The following POR variants were observed in gnomAD, a reference collection of about 807,000 sequenced individuals.
The protein encoded by POR is cytochrome p450 oxidoreductase, also known as NADPH--cytochrome P450 reductase.
In POR, 56 loss-of-function variants were observed where a neutral mutation model predicts 84.0. That is an observed-to-expected ratio of 0.67 (90% confidence interval 0.54 to 0.83). POR has a LOEUF of 0.83. Among genes scored for constraint, POR ranks in the 40% least tolerant of loss-of-function variants. The pLI is 0.00. For synonymous variants in POR, 414 were observed against 400.5 expected (o/e 1.03, Z -0.40); for missense variants, 938 against 944.3 (o/e 0.99, Z 0.09).
Position 75,972,466 on chromosome 7 carries a change from G to C in POR, c.237+5G>C, listed in dbSNP as rs1554556326. 10 of 1,602,450 alleles carry C rather than the reference G, an allele frequency of 6.2e-6. No individual in the cohort carries two copies. Among genetic ancestry groups the C allele is most frequent in the Non-Finnish European group, 7.7e-6 (9 of 1,174,208 alleles). On this transcript the variant is annotated splice_donor_5th_base_variant and intron_variant, in intron 3 of 15. Coordinates refer to ENST00000461988, the MANE Select transcript of POR (RefSeq NM_000941.3). The stretch of plus-strand genomic sequence containing the variant: ...GTGGAAAAGATGAAGAAAACGGTGA[G>C]TTTCCTGCATGTCTTTACTCTTCTC...
chr7:75,981,564 T>C lies in POR; in HGVS notation c.689T>C (p.Val230Ala). 1 of 1,613,076 alleles carries C rather than the reference T, an allele frequency of 6.2e-7. No homozygotes were observed. The highest frequency in any genetic ancestry group is 8.5e-7 in the Non-Finnish European group (1 of 1,179,706). Residue 230 changes from valine (V) to alanine (A), a missense_variant, in exon 7 of 16, where the codon GTG (valine) becomes GCG (alanine). Transcript: ENST00000461988. The stretch of plus-strand genomic sequence containing the variant: ...TGGCGAGAGCAGTTCTGGCCGGCCG[T>C]GTGTGAACACTTTGGGGTGGAAGCC...
At chr7:75,983,463 A>C in intron 8 of POR, 57 bp from the exon 9 acceptor site, 1 of 1,258,784 alleles carries the variant, frequency 7.9e-7, no homozygotes, top group Admixed American at 1.7e-5. Flanking sequence ...GTCCTTGGAG[A>C]CGGAGACTCA....
intron 1 of POR, chr7:75,947,378 C>T (rs28517623): frequency 0.034 from 5,176 of 152,782 alleles, 260 homozygotes; most frequent in African/African-American, 0.11. Flanking sequence ...CGGGTTCAAG[C>T]GATTCTCCTG....
chr7:75,928,247 GT>G (rs1448306117), intron 1 of POR, among the ~76,000 whole-genome samples: 1 of 152,136 alleles, frequency 6.6e-6, no homozygotes, highest in African/African-American at 2.4e-5. Context: ...GGGATTACAG[GT>G]GTGAGCCACC....
At chr7:75,952,049 T>C (rs7800648) in intron 1 of POR, among the ~76,000 whole-genome samples, 3,990 of 94,554 alleles carry the variant, frequency 0.042, 694 homozygotes, top group African/African-American at 0.18. Context: ...CGGGCAGAGG[T>C]GCCCCTCACC....
intron 1 of POR, among the ~76,000 whole-genome samples, chr7:75,949,269 C>T (rs1392189787): frequency 2.0e-5 from 3 of 152,022 alleles, no homozygotes; most frequent in Admixed American, 6.6e-5. Context: ...ATTCTCCTGC[C>T]TCAGCCTCCC....
At chr7:75,923,625 C>T (rs1183934769) in intron 1 of POR, among the ~76,000 whole-genome samples, 1 of 152,144 alleles carries the variant, frequency 6.6e-6, no homozygotes, top group Non-Finnish European at 1.5e-5. Context: ...CGGTGGCTCA[C>T]GCCTATAATC....
chr7:75,952,043 C>A (rs1246164229), intron 1 of POR, among the ~76,000 whole-genome samples: 2 of 140,982 alleles, frequency 1.4e-5, no homozygotes, highest in East Asian at 2.1e-4. Flanking sequence ...GGCGGCCGGG[C>A]AGAGGTGCCC....
Position 75,986,083 on chromosome 7 carries a change from C to T in POR, c.1815+15C>T. 3 of 1,566,726 alleles carry T rather than the reference C, an allele frequency of 1.9e-6. No homozygotes were observed. Among genetic ancestry groups the T allele is most frequent in the Non-Finnish European group, 2.6e-6 (3 of 1,156,778 alleles). ...AGTCCCACAAGGTGAGACGGGCGGG[C>T]ACCCACGAAGGTGGGCATGAGGCTG... is the stretch of plus-strand genomic sequence containing the variant. On this transcript the variant is annotated intron_variant, in intron 14 of 15. Coordinates refer to ENST00000461988, the MANE Select transcript of POR (RefSeq NM_000941.3).
intron 1 of POR, among the ~76,000 whole-genome samples, chr7:75,936,424 T>G (rs1334798921): frequency 6.6e-6 from 1 of 152,048 alleles, no homozygotes; most frequent in Non-Finnish European, 1.5e-5. Context: ...TGACAGGTGT[T>G]GGGGACTACT....
intron 1 of POR, among the ~76,000 whole-genome samples, chr7:75,919,971 C>T (rs1021474104): frequency 4.0e-5 from 6 of 150,016 alleles, no homozygotes; most frequent in Admixed American, 1.3e-4. Context: ...TCCCGAAATG[C>T]GTCAGTTTCA....
chr7:75,973,603 C>G (rs1025588469), intron 3 of POR, among the ~76,000 whole-genome samples: 11 of 151,272 alleles, frequency 7.3e-5, no homozygotes, highest in Non-Finnish European at 1.2e-4. Flanking sequence ...TAGGTGCGAG[C>G]CATTGCATCC....
chr7:75,978,512 C>T (rs1788802947), intron 3 of POR, among the ~76,000 whole-genome samples: 1 of 152,078 alleles, frequency 6.6e-6, no homozygotes, highest in African/African-American at 2.4e-5. Context: ...ACTTGAGCAT[C>T]CTTGGATTTT....
chr7:75,929,018 T>A (rs777178163), intron 1 of POR, among the ~76,000 whole-genome samples: 2 of 152,150 alleles, frequency 1.3e-5, no homozygotes, highest in Admixed American at 6.6e-5. Context: ...TTTGTCTTCC[T>A]TGTAAGACAA....
Position 75,929,012 on chromosome 7 carries a change from TCTTC to T in POR, c.-5+13837_-5+13840del, listed in dbSNP as rs1807286551. On this transcript the variant is annotated intron_variant, in intron 1 of 15. Transcript: ENST00000461988. Reference sequence around the variant, plus strand: ...GTCAGGCCAGCACCAAAGGATTTTGTCTTCCTTGTAAGACAACATGGGGCAATAG... The same window carrying T: ...GTCAGGCCAGCACCAAAGGATTTTGTCTTGTAAGACAACATGGGGCAATAG... 2.6e-5 allele frequency among the ~76,000 whole-genome samples: 4 copies of T among 152,142 alleles called. No homozygotes were observed. The South Asian group carries it at 8.3e-4, about 32-fold the overall frequency.
chr7:75,986,070 TGAGAC>T lies in POR; in HGVS notation c.1815+4_1815+8del. 1 of 1,562,358 alleles carries T rather than the reference TGAGAC, an allele frequency of 6.4e-7. No homozygotes were observed. Among genetic ancestry groups the T allele is most frequent in the Non-Finnish European group, 8.7e-7 (1 of 1,154,262 alleles). On this transcript the variant is annotated splice_donor_5th_base_variant and intron_variant, in intron 14 of 15. Transcript: ENST00000461988. ...TTCTCCCGGGAGCAGTCCCACAAGG[TGAGAC>T]GGGCGGGCACCCACGAAGGTGGGCA...
In POR at chr7:75,980,609, C is replaced by A. The variant is rs782596626; in HGVS notation, c.516+121C>A. 5.6e-6 allele frequency: 9 copies of A among 1,598,568 alleles called. No individual in the cohort carries two copies. In the Admixed American group the frequency reaches 1.4e-4, roughly 25 times the overall value. On this transcript the variant is annotated intron_variant, in intron 5 of 15. Coordinates refer to ENST00000461988, the MANE Select transcript of POR (RefSeq NM_000941.3). ...CCCACCCTGTCCTCAGCAGCCAGGG[C>A]AGGCCACTTGTGAGACCCTCTCCTC...
intron 10 of POR, 122 bp from the exon 11 acceptor site, chr7:75,984,655 C>T (rs1377728195): frequency 8.1e-6 from 7 of 868,980 alleles, no homozygotes; most frequent in African/African-American, 1.6e-5. Context: ...GCCTTGTTTC[C>T]AGCACCAGCT....
chr7:75,968,016 C>G lies in POR; in HGVS notation c.189-4397C>G, dbSNP rs868955674. 16 of 454,334 alleles carry G rather than the reference C, an allele frequency of 3.5e-5. 1 individual carries two copies. The Middle Eastern group carries it at 3.8e-3, about 108-fold the overall frequency. 28.1% of individuals were successfully genotyped at this position (454,334 alleles called of 1,614,324 possible). A position where few individuals can be genotyped will look rare whatever the true frequency, so the allele number is the denominator to read the frequency against. On this transcript the variant is annotated intron_variant, in intron 2 of 15. Transcript: ENST00000461988. ...CGAACTTTCCATCTGCTGGCCCCTG[C>G]TGGTGTCCAGGAGAGAGCTGTGACC...
Sources: allele counts gnomAD v4.1 joint callset (sites outside exome capture counted in the v4.1 genomes callset), GRCh38; gene constraint gnomAD v4.1.1; transcripts MANE v1.5; gene names NCBI Gene and HGNC (gene_info 2026-07-23, HGNC 2026-07-21).